The following RELN variants were observed in gnomAD, a reference collection of about 807,000 sequenced individuals.
RELN encodes the protein reelin.
In RELN, 108 loss-of-function variants were observed where a neutral mutation model predicts 427.6. The observed-to-expected ratio is 0.25, with a 90% confidence interval of 0.22 to 0.30. The LOEUF is 0.30. Ranked by LOEUF, RELN falls within the 10% of genes least tolerant of loss-of-function variation. The pLI is 1.00. For synonymous variants in RELN, 1,524 were observed against 1,513.4 expected, an observed-to-expected ratio of 1.01 and a Z score of -0.16; for missense variants, 3,715 against 4,302.8, an observed-to-expected ratio of 0.86 and a Z score of 3.82.
chr7:103,763,261 C>T (rs942061401), intron 4 of RELN, among the ~76,000 whole-genome samples: 1 of 152,108 alleles, frequency 6.6e-6, no homozygotes, highest in Admixed American at 6.5e-5. Context: ...TACAGACTGG[C>T]TGGCAATTAA....
At position 103,989,589 on chromosome 7, in the gene RELN, C is replaced by G. The variant is rs998732245; in HGVS notation, c.-233G>C. On this transcript the variant is annotated 5_prime_UTR_variant, in exon 1 of 65. Transcript: ENST00000428762. This position sits in a 1 kb window ranked among gnomAD's most constrained non-coding sequence, Gnocchi z 4.9. ...AGCGCGGGACCGGGGCTGCGGGCGC[C>G]GAGAGCGCGTCGTCTGCCGCCTCCG... is the stretch of plus-strand genomic sequence containing the variant. The G allele has an allele frequency of 2.1e-5, 8 of 386,778 alleles. No homozygotes were observed. The highest frequency in any genetic ancestry group is 1.5e-4 in the African/African-American group (7 of 46,562). The allele number at this position is 386,778 out of a possible 1,614,324, so 24.0% of individuals were successfully genotyped here.
chr7:103,846,926 T>C (rs761631762), intron 2 of RELN, among the ~76,000 whole-genome samples: 1 of 152,148 alleles, frequency 6.6e-6, no homozygotes, highest in Non-Finnish European at 1.5e-5. Flanking sequence ...AAACAACAGA[T>C]GCTGGAGAGG....
At chr7:103,954,335 C>G (rs1323763017) in intron 1 of RELN, among the ~76,000 whole-genome samples, 1 of 152,148 alleles carries the variant, frequency 6.6e-6, no homozygotes, top group Non-Finnish European at 1.5e-5. Flanking sequence ...TTGCTAAGTA[C>G]AGTTGCCAAG....
At position 103,788,019 on chromosome 7, in the gene RELN, G is replaced by C. The variant is rs552409263; in HGVS notation, c.474-11392C>G. ...GTGGGCTTCATCCCTGGGATGCAAG[G>C]CTGGTTCAACATATCCAAATCAATA... On this transcript the variant is annotated intron_variant, in intron 3 of 64. Transcript: ENST00000428762. Among the ~76,000 whole-genome samples the C allele has an allele frequency of 2.1e-3, 324 of 152,272 alleles. 2 individuals are homozygous for C. Among genetic ancestry groups the C allele is most frequent in the African/African-American group, 7.6e-3 (314 of 41,560 alleles).
intron 2 of RELN, among the ~76,000 whole-genome samples, chr7:103,900,913 A>G (rs1795069671): frequency 6.6e-6 from 1 of 152,102 alleles, no homozygotes; most frequent in Non-Finnish European, 1.5e-5. Flanking sequence ...GGGCAATACC[A>G]TTCAGGATGT....
chr7:103,575,826 T>A, intron 28 of RELN, 121 bp from the exon 29 acceptor site: 4 of 1,065,954 alleles, frequency 3.8e-6, no homozygotes, highest in Non-Finnish European at 5.7e-6. Flanking sequence ...TCATGTCTGC[T>A]TGACTGCACT....
intron 49 of RELN, among the ~76,000 whole-genome samples, chr7:103,516,330 C>A (rs151057526): frequency 6.7e-6 from 1 of 149,302 alleles, no homozygotes; most frequent in Non-Finnish European, 1.5e-5. Flanking sequence ...CTGTTGCCCA[C>A]GCTGGAGTAC....
At chr7:103,613,710 G>C (rs1392551867) in intron 20 of RELN, among the ~76,000 whole-genome samples, 1 of 152,200 alleles carries the variant, frequency 6.6e-6, no homozygotes, top group Non-Finnish European at 1.5e-5. Context: ...TTGCTTTAAA[G>C]ATACACCAGT....
chr7:103,546,414 T>A (rs1211906631), intron 41 of RELN, among the ~76,000 whole-genome samples: 1 of 152,234 alleles, frequency 6.6e-6, no homozygotes, highest in Non-Finnish European at 1.5e-5. Flanking sequence ...GATGGACATT[T>A]GGTTGTTTCC....
chr7:103,663,326 C>T (rs111766471), intron 11 of RELN, among the ~76,000 whole-genome samples: 3 of 152,128 alleles, frequency 2.0e-5, no homozygotes, highest in African/African-American at 7.2e-5. Flanking sequence ...GCACAGTGTT[C>T]AATGCCCAGC....
At chr7:103,852,455 T>C (rs1390750015) in intron 2 of RELN, among the ~76,000 whole-genome samples, 2 of 152,156 alleles carry the variant, frequency 1.3e-5, no homozygotes. Flanking sequence ...TTCTCTTTTC[T>C]CACATATGAA....
In RELN at chr7:103,942,868, C is replaced by T. The variant is rs531039419; in HGVS notation, c.227-25683G>A. On this transcript the variant is annotated intron_variant, in intron 1 of 64. Coordinates refer to ENST00000428762, the MANE Select transcript of RELN (RefSeq NM_005045.4). The stretch of plus-strand genomic sequence containing the variant: ...TGGAGGTTGCAGTGAGCCAAGATTG[C>T]GCCACTGCACTGCAGCCTGGGCGAC... 1.3e-4 allele frequency among the ~76,000 whole-genome samples: 20 copies of T among 151,808 alleles called. No individual in the cohort carries two copies. The East Asian group carries it at 2.3e-3, about 18-fold the overall frequency.
chr7:103,907,110 CAT>C (rs1795224014), intron 2 of RELN, among the ~76,000 whole-genome samples: 1 of 151,828 alleles, frequency 6.6e-6, no homozygotes, highest in Non-Finnish European at 1.5e-5. Context: ...ACCTTGAAAA[CAT>C]ATTAAGTAAA....
chr7:103,770,899 T>A (rs1445996571), intron 4 of RELN, among the ~76,000 whole-genome samples: 1 of 149,822 alleles, frequency 6.7e-6, no homozygotes, highest in Non-Finnish European at 1.5e-5. Context: ...TTCAGCCAAA[T>A]TGCCAATCGC....
intron 57 of RELN, among the ~76,000 whole-genome samples, chr7:103,495,079 G>A (rs1046568891): frequency 1.3e-5 from 2 of 151,790 alleles, no homozygotes; most frequent in Non-Finnish European, 2.9e-5. Context: ...TAGGGAGACT[G>A]AAATCCAGAT....
At chr7:103,961,245 A>T (rs1012733966) in intron 1 of RELN, among the ~76,000 whole-genome samples, 1 of 152,134 alleles carries the variant, frequency 6.6e-6, no homozygotes, top group African/African-American at 2.4e-5. Flanking sequence ...TTTTTCCCCC[A>T]AACTGTATCT....
chr7:103,493,356 A>T (rs1220138042), intron 57 of RELN, among the ~76,000 whole-genome samples: 1 of 152,216 alleles, frequency 6.6e-6, no homozygotes, highest in Non-Finnish European at 1.5e-5. Flanking sequence ...TTACTAGGTG[A>T]TTGGTGGTGC....
intron 3 of RELN, among the ~76,000 whole-genome samples, chr7:103,800,983 C>T (rs1431069105): frequency 2.0e-5 from 3 of 152,126 alleles, no homozygotes; most frequent in Non-Finnish European, 4.4e-5. Flanking sequence ...TGAAAAAATG[C>T]TCATTATCAC....
chr7:103,496,401 C>T, intron 56 of RELN, 125 bp downstream of exon 56: 1 of 1,321,560 alleles, frequency 7.6e-7, no homozygotes, highest in Non-Finnish European at 1.1e-6. Context: ...TAACAGCTAA[C>T]ATTTGTTGAG....
Sources: gnomAD v4.1 joint callset for allele counts (sites outside exome capture counted in the v4.1 genomes callset) on GRCh38, gnomAD v4.1.1 for gene constraint, Gnocchi (gnomAD v3.1) non-coding constraint, MANE v1.5 for transcripts, NCBI Gene and HGNC (gene_info 2026-07-23, HGNC 2026-07-21) for gene names.